DNM3: variants seen among roughly 807,000 people sequenced by gnomAD.
DNM3 encodes the protein dynamin 3.
DNM3 carries 47 observed loss-of-function variants against 101.6 expected under a neutral mutation model. The ratio of observed to expected loss-of-function variants is 0.46; its 90% CI spans 0.37 to 0.59. The LOEUF is 0.59. DNM3 is among the 20% of genes least tolerant of loss of function. The pLI is 0.00. For missense variants in DNM3, 849 were observed against 1,085.7 expected, an observed-to-expected ratio of 0.78 and a Z score of 3.06; for synonymous variants, 385 against 387.9, an observed-to-expected ratio of 0.99 and a Z score of 0.09.
intron 20 of DNM3, among the ~76,000 whole-genome samples, chr1:172,402,560 T>C (rs1454852055): frequency 1.3e-5 from 2 of 152,188 alleles, no homozygotes; most frequent in Non-Finnish European, 2.9e-5. Context: ...TTCTTTTAAT[T>C]TGGGTCCACC....
At chr1:172,379,537 G>GGA (rs2068782788) in intron 18 of DNM3, among the ~76,000 whole-genome samples, 1 of 151,964 alleles carries the variant, frequency 6.6e-6, no homozygotes, top group South Asian at 2.1e-4. Flanking sequence ...TGAGACTAAA[G>GGA]GCAAAGGATA....
At chr1:172,254,805 A>G (rs1207773819) in intron 15 of DNM3, among the ~76,000 whole-genome samples, 3 of 152,152 alleles carry the variant, frequency 2.0e-5, no homozygotes, top group Non-Finnish European at 4.4e-5. Context: ...AGAGAAGTAT[A>G]AAAGGGGTAC....
At chr1:172,120,841 G>A (rs1054653613) in intron 13 of DNM3, among the ~76,000 whole-genome samples, 1 of 152,142 alleles carries the variant, frequency 6.6e-6, no homozygotes, top group Non-Finnish European at 1.5e-5. Context: ...ATGGAGGTTG[G>A]GGACTGTGCC....
chr1:172,165,437 T>A (rs1219550923), intron 14 of DNM3, among the ~76,000 whole-genome samples: 1 of 152,198 alleles, frequency 6.6e-6, no homozygotes, highest in African/African-American at 2.4e-5. Flanking sequence ...TCAAAAACTC[T>A]TAGTGACTTC....
At chr1:171,965,032 C>A (rs2043472143) in intron 2 of DNM3, among the ~76,000 whole-genome samples, 1 of 152,124 alleles carries the variant, frequency 6.6e-6, no homozygotes, top group Admixed American at 6.6e-5. Context: ...TCAGTTAACA[C>A]AGACTCCACA....
intron 20 of DNM3, 93 bp downstream of exon 20, chr1:172,388,902 A>C: frequency 8.9e-7 from 1 of 1,117,982 alleles, no homozygotes; most frequent in East Asian, 2.6e-5. Context: ...GAAAATTGCA[A>C]AGATCTTATC....
chr1:172,156,161 C>T (rs901249445), intron 14 of DNM3, among the ~76,000 whole-genome samples: 11 of 152,228 alleles, frequency 7.2e-5, no homozygotes, highest in African/African-American at 2.6e-4. Flanking sequence ...ATGTTAGCTT[C>T]AGGGATGATT....
In DNM3 at chr1:172,081,872, C is replaced by G. The variant is rs1279800202; in HGVS notation, c.1463C>G (p.Thr488Ser). 2.5e-6 allele frequency: 4 copies of G among 1,613,176 alleles called. No homozygotes were observed. Among genetic ancestry groups the G allele is most frequent in the Non-Finnish European group, 2.5e-6 (3 of 1,179,548 alleles). Residue 488 changes from threonine (T) to serine (S), a missense_variant, in exon 12 of 21, where the codon ACC (threonine) becomes AGC (serine). Coordinates refer to ENST00000627582, the MANE Select transcript of DNM3 (RefSeq NM_015569.5). ...GACATTCAAGTCTCTTACATCAACACCAACCATGAAGACTTCATTGGCTTC... is the reference window on the plus strand; with the variant it reads ...GACATTCAAGTCTCTTACATCAACAGCAACCATGAAGACTTCATTGGCTTC... Reference protein sequence around the residue: ...LIDIQVSYINTNHEDFIGFAN... With the variant: ...LIDIQVSYINSNHEDFIGFAN...
intron 1 of DNM3, among the ~76,000 whole-genome samples, chr1:171,855,071 T>G (rs771126824): frequency 4.6e-5 from 7 of 152,102 alleles, no homozygotes; most frequent in Non-Finnish European, 7.4e-5. Flanking sequence ...GTCTATTGTT[T>G]CCTTTGTGTT....
intron 17 of DNM3, among the ~76,000 whole-genome samples, chr1:172,378,518 A>AG: frequency 7.6e-3 from 1 of 132 alleles, no homozygotes; most frequent in Non-Finnish European, 0.018. Flanking sequence ...TTTTGGCTTC[A>AG]GGCAGCCCTA....
chr1:172,079,484 C>A (rs985698600), intron 11 of DNM3, among the ~76,000 whole-genome samples: 3 of 152,084 alleles, frequency 2.0e-5, no homozygotes, highest in African/African-American at 2.4e-5. Context: ...CATTTATATT[C>A]TTCTCTAAAC....
intron 1 of DNM3, among the ~76,000 whole-genome samples, chr1:171,911,398 A>C (rs2125277905): frequency 6.7e-6 from 1 of 148,446 alleles, no homozygotes; most frequent in Admixed American, 6.9e-5. Context: ...CTCCTGCCTC[A>C]GCCTCCTGAA....
At chr1:172,099,103 G>C (rs1338513929) in intron 13 of DNM3, among the ~76,000 whole-genome samples, 1 of 152,208 alleles carries the variant, frequency 6.6e-6, no homozygotes, top group Non-Finnish European at 1.5e-5. Context: ...GGTCAAGAGA[G>C]AAGATGAGTT....
intron 1 of DNM3, among the ~76,000 whole-genome samples, chr1:171,902,546 A>C (rs1008354340): frequency 2.0e-5 from 3 of 152,184 alleles, no homozygotes; most frequent in African/African-American, 7.2e-5. Context: ...GACTCTACAG[A>C]AATGTGTTGA....
At chr1:172,040,763 A>G (rs2049320896) in intron 7 of DNM3, among the ~76,000 whole-genome samples, 1 of 152,150 alleles carries the variant, frequency 6.6e-6, no homozygotes, top group Admixed American at 6.6e-5. Flanking sequence ...GGAAGAACCA[A>G]TGCTTGAGCT....
intron 15 of DNM3, among the ~76,000 whole-genome samples, chr1:172,290,999 C>T (rs1023045970): frequency 1.3e-5 from 2 of 152,078 alleles, no homozygotes; most frequent in African/African-American, 4.8e-5. Flanking sequence ...TCAACAAATG[C>T]TACAGTAAAG....
At chr1:172,037,772 G>A (rs552430477) in intron 6 of DNM3, among the ~76,000 whole-genome samples, 1 of 152,270 alleles carries the variant, frequency 6.6e-6, no homozygotes, top group East Asian at 1.9e-4. Context: ...GAGTTGCACT[G>A]GGATCTAGAG....
intron 13 of DNM3, among the ~76,000 whole-genome samples, chr1:172,116,120 ATAATAT>A (rs760939183): frequency 6.6e-6 from 1 of 152,226 alleles, no homozygotes; most frequent in Non-Finnish European, 1.5e-5. Flanking sequence ...TAGTGTTCTG[ATAATAT>A]TAATGAAATA....
At chr1:171,927,960 T>C (rs1187177104) in intron 2 of DNM3, among the ~76,000 whole-genome samples, 1 of 152,222 alleles carries the variant, frequency 6.6e-6, no homozygotes, top group Non-Finnish European at 1.5e-5. Flanking sequence ...CTTTCTCATC[T>C]CTGCATGTGG....
Sources: gnomAD v4.1 joint callset for allele counts (sites outside exome capture counted in the v4.1 genomes callset) on GRCh38, gnomAD v4.1.1 for gene constraint, MANE v1.5 for transcripts, NCBI Gene and HGNC (gene_info 2026-07-23, HGNC 2026-07-21) for gene names.